The following AHNAK variants were observed in gnomAD, a reference collection of about 807,000 sequenced individuals.
AHNAK encodes neuroblast differentiation-associated protein AHNAK.
A neutral mutation model predicts 37.8 loss-of-function variants in AHNAK; 23 were observed. The ratio of observed to expected loss-of-function variants is 0.61; its 90% CI spans 0.44 to 0.86. The LOEUF is 0.86. Among genes scored for constraint, AHNAK ranks in the 40% least tolerant of loss-of-function variants. The pLI is 0.00. For synonymous variants in AHNAK, 2,481 were observed against 2,636.3 expected (o/e 0.94, Z 1.80); for missense variants, 7,411 against 7,319.4 (o/e 1.01, Z -0.46).
intron 5 of AHNAK, chr11:62,491,623 C>T (rs1939505338): frequency 8.6e-6 from 9 of 1,049,024 alleles, no homozygotes; most frequent in Admixed American, 4.3e-5. Context: ...TGAGCCATAT[C>T]CTTCCACGTG....
In AHNAK at chr11:62,528,404, C is replaced by T; in HGVS notation, c.6013G>A (p.Gly2005Arg). The T allele has an allele frequency of 6.2e-7, 1 of 1,613,748 alleles. No individual in the cohort carries two copies. Among genetic ancestry groups the T allele is most frequent in the Non-Finnish European group, 8.5e-7 (1 of 1,179,970 alleles). The change falls in exon 5 of 5, where the codon GGG (glycine) becomes AGG (arginine). Residue 2005 changes from glycine (G) to arginine (R), a missense_variant. Gly to Arg is a moderately radical substitution (Grantham distance 125). Transcript: ENST00000378024. ...DLHLKGPKVK[G>R]DMDVSVPKVE... is the part of the protein sequence containing the mutation. The stretch of plus-strand genomic sequence containing the variant: ...TTGGGCACAGACACATCCATATCCC[C>T]TTTGACTTTGGGGCCTTTCAGGTGT...
At chr11:62,453,176 A>C (rs1258586620) in intron 5 of AHNAK, among the ~76,000 whole-genome samples, 1 of 151,858 alleles carries the variant, frequency 6.6e-6, no homozygotes, top group African/African-American at 2.4e-5. Flanking sequence ...GGACACCATC[A>C]CCTCCATGGC....
chr11:62,516,634 T>C lies in AHNAK; in HGVS notation c.*110A>G. On this transcript the variant is annotated 3_prime_UTR_variant, in exon 5 of 5. Transcript: ENST00000378024. ...CACCGGGCCAGGCAAGGTCTTTGCATGATTGCTGAGGCAGTCGGTGTGTTT... is the reference window on the plus strand; with the variant it reads ...CACCGGGCCAGGCAAGGTCTTTGCACGATTGCTGAGGCAGTCGGTGTGTTT... 1 of 1,501,442 alleles carries C rather than the reference T, an allele frequency of 6.7e-7. No homozygotes were observed. The highest frequency in any genetic ancestry group is 8.8e-7 in the Non-Finnish European group (1 of 1,135,348). The allele number at this position is 1,501,442 out of a possible 1,614,324, so 93.0% of individuals were successfully genotyped here. A position where few individuals can be genotyped will look rare whatever the true frequency, so the allele number is the denominator to read the frequency against.
chr11:62,525,402 G>A lies in AHNAK; in HGVS notation c.9015C>T (p.Asp3005=), dbSNP rs767652674. The A allele has an allele frequency of 6.2e-7, 1 of 1,613,168 alleles. No homozygotes were observed. Among genetic ancestry groups the A allele is most frequent in the Non-Finnish European group, 8.5e-7 (1 of 1,179,816 alleles). The stretch of plus-strand genomic sequence containing the variant: ...GAACGCCCACATCCGGGACATCAAT[G>A]TCCACTTGGGGACCCCTGATGTCAA... ...PEVDIRGPQV[D]IDVPDVGVQG... is the part of the protein sequence containing the mutation. The change falls in exon 5 of 5, where the codon GAC becomes GAT. Residue 3005 remains aspartate (D), a synonymous_variant. Coordinates refer to ENST00000378024, the MANE Select transcript of AHNAK (RefSeq NM_001620.3).
rs1175272257 is a variant in AHNAK at position 62,528,100 on chromosome 11, T to C, written c.6317A>G (p.Lys2106Arg). The change falls in exon 5 of 5, where the codon AAG becomes AGG. Residue 2106 changes from lysine (K) to arginine (R), a missense_variant. Coordinates refer to ENST00000378024, the MANE Select transcript of AHNAK (RefSeq NM_001620.3). ...GGCCTTGAAGTGCATCTCAGGCATC[T>C]TAAGCTTGGGGCCCTTCAGCTTCCC... is the stretch of plus-strand genomic sequence containing the variant. ...PEGKLKGPKL[K>R]MPEMHFKAPK... 2 of 1,611,980 alleles carry C rather than the reference T, an allele frequency of 1.2e-6. No individual in the cohort carries two copies. Among genetic ancestry groups the C allele is most frequent in the Non-Finnish European group, 1.7e-6 (2 of 1,179,480 alleles).
rs762639989 is a variant in AHNAK at position 62,524,735 on chromosome 11, G to A, written c.9682C>T (p.Leu3228Phe). The change falls in exon 5 of 5, where the codon CTT becomes TTT. Residue 3228 changes from leucine to phenylalanine, a missense_variant. Transcript: ENST00000378024. ...TCTCCTTTCATTTTAGGGCCTTTAA[G>A]ATTGAGGTCCAAATCAGGCATTGAT... ...KISMPDLDLN[L>F]KGPKMKGEVD... 9.9e-6 allele frequency: 16 copies of A among 1,614,060 alleles called. No individual in the cohort carries two copies. The Admixed American group carries it at 2.3e-4, about 24-fold the overall frequency.
rs888183916 is a variant in AHNAK, at chr11:62,515,942, A to T, written c.*802T>A. The T allele has an allele frequency of 2.6e-6, 3 of 1,173,686 alleles. No homozygotes were observed. The African/African-American group carries it at 4.8e-5, about 19-fold the overall frequency. 72.7% of individuals were successfully genotyped at this position (1,173,686 alleles called of 1,614,324 possible). A position where few individuals can be genotyped will look rare whatever the true frequency, so the allele number is the denominator to read the frequency against. The stretch of plus-strand genomic sequence containing the variant: ...AGCTTTATTTGCCTTGTACAGCATC[A>T]ATTTTCTTACATTCTCAGTTAATTG... On this transcript the variant is annotated 3_prime_UTR_variant, in exon 5 of 5. Transcript: ENST00000378024.
chr11:62,481,771 G>T (rs1479670010), intron 5 of AHNAK, among the ~76,000 whole-genome samples: 3 of 151,646 alleles, frequency 2.0e-5, no homozygotes, highest in East Asian at 2.0e-4. Context: ...TAGAGACGGG[G>T]TTTCACCGTG....
chr11:62,512,266 G>GT (rs546474861), downstream of AHNAK, among the ~76,000 whole-genome samples: 17 of 152,344 alleles, frequency 1.1e-4, 1 homozygote, highest in East Asian at 2.5e-3. The surrounding 1 kb of genome is among the most constrained non-coding windows in gnomAD (Gnocchi z 4.0). Flanking sequence ...GTGCCCTCCA[G>GT]TGGAGAGAGG....
chr11:62,447,928 C>T (rs1003582668), intron 5 of AHNAK, among the ~76,000 whole-genome samples: 2 of 152,048 alleles, frequency 1.3e-5, no homozygotes, highest in Admixed American at 6.6e-5. Context: ...TCAGTGTATG[C>T]TCTGAATGAA....
At chr11:62,447,916 G>A (rs1011587224) in intron 5 of AHNAK, among the ~76,000 whole-genome samples, 21 of 152,124 alleles carry the variant, frequency 1.4e-4, no homozygotes, top group African/African-American at 4.8e-4. Context: ...TCCAAGTTGT[G>A]ATCAGTGTAT....
chr11:62,494,339 C>G (rs1186754160), intron 4 of AHNAK, among the ~76,000 whole-genome samples: 2 of 151,912 alleles, frequency 1.3e-5, no homozygotes, highest in African/African-American at 4.8e-5. Context: ...TAAAATGAAA[C>G]TCAGAATAAG....
intron 5 of AHNAK, among the ~76,000 whole-genome samples, chr11:62,439,913 C>T (rs1295293140): frequency 1.3e-5 from 2 of 152,100 alleles, no homozygotes; most frequent in Non-Finnish European, 2.9e-5. Context: ...AGTGATCCGC[C>T]CGCCTCCGCC....
At chr11:62,483,090 T>G (rs924675164) in intron 5 of AHNAK, among the ~76,000 whole-genome samples, 1 of 151,536 alleles carries the variant, frequency 6.6e-6, no homozygotes, top group Non-Finnish European at 1.5e-5. Context: ...TGGTCAGAGG[T>G]GGGAAACTCC....
chr11:62,485,451 C>T (rs1322278566), intron 5 of AHNAK, among the ~76,000 whole-genome samples: 1 of 151,860 alleles, frequency 6.6e-6, no homozygotes, highest in Non-Finnish European at 1.5e-5. Flanking sequence ...ACCTATAATC[C>T]CAGCACTTTG....
intron 5 of AHNAK, among the ~76,000 whole-genome samples, chr11:62,482,185 C>T (rs897212058): frequency 1.3e-5 from 2 of 152,156 alleles, no homozygotes; most frequent in Non-Finnish European, 2.9e-5. Flanking sequence ...GAGCCCAAGG[C>T]GGACTGCTCA....
In AHNAK at chr11:62,519,453, T is replaced by C. The variant is rs781160337; in HGVS notation, c.14964A>G (p.Lys4988=). ...PKFGFGAKSP[K]ADIKSPSLDV... is the part of the protein sequence containing the mutation. The stretch of plus-strand genomic sequence containing the variant: ...CCAGTGAAGGTGACTTGATGTCAGC[T>C]TTGGGGCTTTTTGCCCCAAATCCAA... Residue 4988 remains lysine (K), a synonymous_variant, in exon 5 of 5, where the codon AAA becomes AAG. Transcript: ENST00000378024. The C allele has an allele frequency of 5.5e-5, 88 of 1,612,160 alleles. No homozygotes were observed. The highest frequency in any genetic ancestry group is 3.4e-4 in the Admixed American group (20 of 59,510).
chr11:62,525,921 A>G lies in AHNAK; in HGVS notation c.8496T>C (p.Thr2832=). ...KFKMPEMHFK[T]PKISMPDIDL... ...CAATATCTGGCATGGATATCTTTGG[A>G]GTCTTAAAATGCATCTCTGGCATCT... The change falls in exon 5 of 5, where the codon ACT becomes ACC. Residue 2832 remains threonine, a synonymous_variant. Transcript: ENST00000378024. The G allele has an allele frequency of 1.9e-6, 3 of 1,613,970 alleles. No individual in the cohort carries two copies. Among genetic ancestry groups the G allele is most frequent in the Non-Finnish European group, 2.5e-6 (3 of 1,179,982 alleles).
intron 5 of AHNAK, among the ~76,000 whole-genome samples, chr11:62,464,003 C>T (rs1164220938): frequency 2.0e-5 from 3 of 151,346 alleles, no homozygotes; most frequent in Non-Finnish European, 4.4e-5. Context: ...CTCCTGATCT[C>T]GTGATCCGCC....
Sources: gnomAD v4.1 joint callset for allele counts (sites outside exome capture counted in the v4.1 genomes callset) on GRCh38, gnomAD v4.1.1 for gene constraint, Gnocchi (gnomAD v3.1) non-coding constraint, MANE v1.5 for transcripts, NCBI Gene and HGNC (gene_info 2026-07-23, HGNC 2026-07-21) for gene names.